The following SMPD1 variants were observed in gnomAD, a reference collection of about 807,000 sequenced individuals.
SMPD1 encodes the protein sphingomyelin phosphodiesterase 1.
SMPD1 carries 47 observed loss-of-function variants against 49.7 expected under a neutral mutation model. The ratio of observed to expected loss-of-function variants is 0.95; its 90% confidence interval spans 0.75 to 1.21. The LOEUF is 1.21. Among genes scored for constraint, SMPD1 ranks in the 50% most tolerant of loss-of-function variants. The pLI is 0.00. For synonymous variants in SMPD1, 336 were observed against 339.6 expected, an observed-to-expected ratio of 0.99 and a Z score of 0.12; for missense variants, 811 against 822.2, an observed-to-expected ratio of 0.99 and a Z score of 0.17.
Position 6,394,516 on chromosome 11 carries a change from G to T in SMPD1, c.1805G>T (p.Arg602Leu). The change falls in exon 6 of 6, where the codon CGT becomes CTT. Residue 602 changes from arginine to leucine, a missense_variant. Transcript: ENST00000342245. ...ACTCTTTGTGCCCAGCTCTCTGCCC[G>T]TGCTGACAGCCCTGCTCTGTGCCGC... is the stretch of plus-strand genomic sequence containing the variant. ...LATLCAQLSARADSPALCRHL... is the reference protein window; with the variant it reads ...LATLCAQLSALADSPALCRHL... 3 of 1,612,088 alleles carry T rather than the reference G, an allele frequency of 1.9e-6. No homozygotes were observed. Among genetic ancestry groups the T allele is most frequent in the South Asian group, 2.2e-5 (2 of 91,088 alleles).
At chr11:6,394,155 A>G (rs375302492) in intron 5 of SMPD1, 43 bp from the exon 6 acceptor site, 33 of 1,613,866 alleles carry the variant, frequency 2.0e-5, no homozygotes, top group Non-Finnish European at 2.7e-5. Flanking sequence ...CCCTGGAGTT[A>G]CCCTTGCTCC....
At chr11:6,392,485 CCTTTTTTTT>C (rs1847975995) in intron 2 of SMPD1, among the ~76,000 whole-genome samples, 2 of 102,474 alleles carry the variant, frequency 2.0e-5, no homozygotes, top group Non-Finnish European at 3.9e-5. Flanking sequence ...CCTGGCCCTC[CCTTTTTTTT>C]TTTTTTTTTT....
Position 6,394,536 on chromosome 11 carries a change from TGCC to T in SMPD1, c.1829_1831del (p.Arg610del), listed in dbSNP as rs120074118. On this transcript the variant is annotated inframe_deletion, in exon 6 of 6. Coordinates refer to ENST00000342245, the MANE Select transcript of SMPD1 (RefSeq NM_000543.5). ...TGCCCGTGCTGACAGCCCTGCTCTG[TGCC>T]GCCACCTGATGCCAGATGGGAGCCT... The T allele has an allele frequency of 1.7e-4, 277 of 1,609,840 alleles. No homozygotes were observed. Among genetic ancestry groups the T allele is most frequent in the Admixed American group, 8.3e-4 (50 of 60,020 alleles).
Position 6,390,858 on chromosome 11 carries a change from G to A in SMPD1, c.260G>A (p.Gly87Glu). Residue 87 changes from glycine to glutamate, a missense_variant, in exon 1 of 6, where the codon GGG becomes GAG. Physicochemically the swap from Gly to Glu is moderately conservative, Grantham distance 98 (BLOSUM62 -2). Transcript: ENST00000342245. ...CGGCTCCGAGATGTCTTTGGGTGGG[G>A]GAACCTCACCTGCCCAATCTGCAAA... is the stretch of plus-strand genomic sequence containing the variant. ...VPRLRDVFGW[G>E]NLTCPICKGL... 6.2e-7 allele frequency: 1 copy of A among 1,614,202 alleles called. No individual in the cohort carries two copies. Among genetic ancestry groups the A allele is most frequent in the Non-Finnish European group, 8.5e-7 (1 of 1,180,036 alleles).
Position 6,393,287 on chromosome 11 carries a change from C to A in SMPD1, c.1163C>A (p.Ser388Tyr), listed in dbSNP as rs1184066659. Residue 388 changes from serine (S) to tyrosine (Y), a missense_variant, in exon 3 of 6, where the codon TCC becomes TAC. By Grantham distance (144) the Ser-to-Tyr change is moderately radical. Coordinates refer to ENST00000342245, the MANE Select transcript of SMPD1 (RefSeq NM_000543.5). ...RLISLNMNFC[S>Y]RENFWLLINS... ...ATCTCTCTCAATATGAATTTTTGTT[C>A]CCGTGAGAACTTCTGGCTCTTGATC... 9 of 1,613,942 alleles carry A rather than the reference C, an allele frequency of 5.6e-6. No homozygotes were observed. Among genetic ancestry groups the A allele is most frequent in the South Asian group, 1.1e-5 (1 of 91,080 alleles).
rs1457587365 is a variant in SMPD1 at position 6,391,908 on chromosome 11, C to A, written c.843C>A (p.Ile281=). The part of the protein sequence containing the change: ...PFDMVYWTGD[I]PAHDVWHQTR... The stretch of plus-strand genomic sequence containing the variant: ...ATATGGTGTACTGGACAGGAGACAT[C>A]CCCGCACATGATGTCTGGCACCAGA... The change falls in exon 2 of 6, where the codon ATC becomes ATA. Residue 281 remains isoleucine, a synonymous_variant. Transcript: ENST00000342245. 5 of 1,614,076 alleles carry A rather than the reference C, an allele frequency of 3.1e-6. No individual in the cohort carries two copies. Among genetic ancestry groups the A allele is most frequent in the South Asian group, 1.1e-5 (1 of 91,090 alleles).
At position 6,390,674 on chromosome 11, in the gene SMPD1, G is replaced by A. The variant is rs766822201; in HGVS notation, c.76G>A (p.Gly26Arg). ...GREQGQDGTA[G>R]APGLLWMGLV... is the part of the protein sequence containing the mutation. ...GGAGCAGGGACAAGACGGGACCGCC[G>A]GAGCCCCCGGACTCCTTTGGATGGG... The change falls in exon 1 of 6, where the codon GGA (glycine) becomes AGA (arginine). Residue 26 changes from glycine to arginine, a missense_variant. Coordinates refer to ENST00000342245, the MANE Select transcript of SMPD1 (RefSeq NM_000543.5). 9.6e-5 allele frequency: 155 copies of A among 1,612,988 alleles called. No homozygotes were observed. Among genetic ancestry groups the A allele is most frequent in the Non-Finnish European group, 1.2e-4 (141 of 1,179,724 alleles).
In SMPD1 at chr11:6,390,602, C is replaced by A; in HGVS notation, c.4C>A (p.Pro2Thr). The change falls in exon 1 of 6, where the codon CCC becomes ACC. Residue 2 changes from proline to threonine, a missense_variant. Physicochemically the swap from Pro to Thr is conservative, Grantham distance 38 (BLOSUM62 -1). Transcript: ENST00000342245. ...GCCCCGTGTAGGAAGCGCGACAATG[C>A]CCCGCTACGGAGCGTCACTCCGCCA... M[P>T]RYGASLRQSC... 6.2e-7 allele frequency: 1 copy of A among 1,612,114 alleles called. No individual in the cohort carries two copies. Among genetic ancestry groups the A allele is most frequent in the Non-Finnish European group, 8.5e-7 (1 of 1,179,560 alleles).
In SMPD1 at chr11:6,394,179, C is replaced by A. The variant is rs781427826; in HGVS notation, c.1487-19C>A. On this transcript the variant is annotated intron_variant, in intron 5 of 5. Coordinates refer to ENST00000342245, the MANE Select transcript of SMPD1 (RefSeq NM_000543.5). ...TACCCTTGCTCCTTGCCCCTCCAGT[C>A]AGCCCCACATCCTTGCAGGTTACCG... The A allele has an allele frequency of 1.2e-6, 2 of 1,614,084 alleles. No homozygotes were observed. The highest frequency in any genetic ancestry group is 1.1e-5 in the South Asian group (1 of 91,032).
Position 6,394,347 on chromosome 11 carries a change from G to A in SMPD1, c.1636G>A (p.Gly546Arg), listed in dbSNP as rs1369520027. Residue 546 changes from glycine (G) to arginine (R), a missense_variant, in exon 6 of 6, where the codon GGG becomes AGG. By Grantham distance (125) the Gly-to-Arg change is moderately radical. Coordinates refer to ENST00000342245, the MANE Select transcript of SMPD1 (RefSeq NM_000543.5). Reference sequence around the variant, plus strand: ...TCTCTACAGGGCTCGAGAAACCTATGGGCTGCCCAACACACTGCCTACCGC... The same window carrying A: ...TCTCTACAGGGCTCGAGAAACCTATAGGCTGCCCAACACACTGCCTACCGC... ...QLLYRARETYGLPNTLPTAWH... is the reference protein window; with the variant it reads ...QLLYRARETYRLPNTLPTAWH... The A allele has an allele frequency of 1.9e-6, 3 of 1,614,208 alleles. No individual in the cohort carries two copies. Among genetic ancestry groups the A allele is most frequent in the South Asian group, 1.1e-5 (1 of 91,084 alleles).
In SMPD1 at chr11:6,391,883, A is replaced by G. The variant is rs1847933904; in HGVS notation, c.818A>G (p.Asp273Gly). The G allele has an allele frequency of 6.2e-7, 1 of 1,613,984 alleles. No homozygotes were observed. The highest frequency in any genetic ancestry group is 8.5e-7 in the Non-Finnish European group (1 of 1,180,004). ...LSGLGPAGPF[D>G]MVYWTGDIPA... ...GGGCTGGGCCCAGCCGGCCCTTTTG[A>G]TATGGTGTACTGGACAGGAGACATC... Residue 273 changes from aspartate (D) to glycine (G), a missense_variant, in exon 2 of 6, where the codon GAT becomes GGT. Physicochemically the swap from Asp to Gly is moderately conservative, Grantham distance 94 (BLOSUM62 -1). Coordinates refer to ENST00000342245, the MANE Select transcript of SMPD1 (RefSeq NM_000543.5).
chr11:6,392,308 C>A, intron 2 of SMPD1, 152 bp downstream of exon 2: 75 of 604,748 alleles, frequency 1.2e-4, no homozygotes, highest in Non-Finnish European at 2.0e-4. Context: ...CCTTCCCTTT[C>A]TACTGTTTTG....
In SMPD1 at chr11:6,390,478, A is replaced by T; in HGVS notation, c.-121A>T. On this transcript the variant is annotated 5_prime_UTR_variant, in exon 1 of 6. Transcript: ENST00000342245. ...CTTTGCGGCCGGCCGCGGAGCAGTC[A>T]GCCGACTACAGAGAAGGGTAATCGG... 1 of 1,511,500 alleles carries T rather than the reference A, an allele frequency of 6.6e-7. No homozygotes were observed. Among genetic ancestry groups the T allele is most frequent in the Non-Finnish European group, 8.9e-7 (1 of 1,127,688 alleles). The allele number at this position is 1,511,500 out of a possible 1,614,324, so 93.6% of individuals were successfully genotyped here.
Position 6,392,041 on chromosome 11 carries a change from G to A in SMPD1, c.976G>A (p.Val326Ile). Residue 326 changes from valine to isoleucine, a missense_variant, in exon 2 of 6, where the codon GTC becomes ATC. Coordinates refer to ENST00000342245, the MANE Select transcript of SMPD1 (RefSeq NM_000543.5). The stretch of plus-strand genomic sequence containing the variant: ...TGTGGGTAACCATGAAAGCACACCT[G>A]TCAATAGCTTCCCTCCCCCCTTCAT... ...PAVGNHESTPVNSFPPPFIEG... is the reference protein window; with the variant it reads ...PAVGNHESTPINSFPPPFIEG... 1 of 1,614,156 alleles carries A rather than the reference G, an allele frequency of 6.2e-7. No individual in the cohort carries two copies. Among genetic ancestry groups the A allele is most frequent in the Non-Finnish European group, 8.5e-7 (1 of 1,180,032 alleles).
intron 1 of SMPD1, 51 bp downstream of exon 1, chr11:6,390,967 TG>T: frequency 1.9e-6 from 3 of 1,604,078 alleles, no homozygotes; most frequent in Non-Finnish European, 8.5e-7. Flanking sequence ...GTGCTGGGGC[TG>T]GGGGCTGGGG....
chr11:6,394,101 T>C, intron 5 of SMPD1, 60 bp downstream of exon 5: 3 of 1,613,500 alleles, frequency 1.9e-6, no homozygotes, highest in Non-Finnish European at 2.5e-6. Context: ...GGGAAGGAGG[T>C]TGGAGCCAGA....
intron 2 of SMPD1, among the ~76,000 whole-genome samples, chr11:6,392,594 T>G (rs1426684281): frequency 7.2e-6 from 1 of 138,336 alleles, no homozygotes; most frequent in Non-Finnish European, 1.5e-5. Context: ...ACCTCCTGGG[T>G]TCAAGCAATT....
Position 6,391,364 on chromosome 11 carries a change from A to G in SMPD1, c.319-20A>G, listed in dbSNP as rs906605440. ...TCTGCTCTGCCTCTGATTTCTCACC[A>G]TGCGCTCCTCCCACTGCAGAAGGAA... On this transcript the variant is annotated intron_variant, in intron 1 of 5. Coordinates refer to ENST00000342245, the MANE Select transcript of SMPD1 (RefSeq NM_000543.5). 6.2e-7 allele frequency: 1 copy of G among 1,611,622 alleles called. No individual in the cohort carries two copies. The highest frequency in any genetic ancestry group is 8.5e-7 in the Non-Finnish European group (1 of 1,179,620).
chr11:6,393,343 T>G lies in SMPD1; in HGVS notation c.1219T>G (p.Trp407Gly). 6.2e-7 allele frequency: 1 copy of G among 1,613,952 alleles called. No individual in the cohort carries two copies. The highest frequency in any genetic ancestry group is 2.2e-5 in the East Asian group (1 of 44,886). ...CACGGATCCCGCAGGACAGCTCCAGTGGCTGGTGGGGGAGCTTCAGGCTGC... is the reference window on the plus strand; with the variant it reads ...CACGGATCCCGCAGGACAGCTCCAGGGGCTGGTGGGGGAGCTTCAGGCTGC... ...NSTDPAGQLQ[W>G]LVGELQAAED... Residue 407 changes from tryptophan (W) to glycine (G), a missense_variant, in exon 3 of 6, where the codon TGG becomes GGG. Physicochemically the swap from Trp to Gly is radical, Grantham distance 184 (BLOSUM62 -2). Transcript: ENST00000342245.
Sources: allele counts gnomAD v4.1 joint callset (sites outside exome capture counted in the v4.1 genomes callset), GRCh38; gene constraint gnomAD v4.1.1; transcripts MANE v1.5; gene names NCBI Gene and HGNC (gene_info 2026-07-23, HGNC 2026-07-21).